The following ANKRD6 variants were observed in gnomAD, a reference collection of about 807,000 sequenced individuals.
ANKRD6 encodes the protein ankyrin repeat domain-containing protein 6.
Under a neutral mutation model 82.3 loss-of-function variants are expected in ANKRD6, and 56 were observed. That is an observed-to-expected ratio of 0.68 (90% confidence interval 0.55 to 0.85). The LOEUF (loss-of-function observed/expected upper bound fraction) is 0.85, where lower values mean the gene tolerates loss of function less well. ANKRD6 is among the 40% of genes least tolerant of loss of function. The pLI is 0.00. For synonymous variants in ANKRD6, 347 were observed against 352.1 expected, an observed-to-expected ratio of 0.99 and a Z score of 0.16; for missense variants, 852 against 907.6, an observed-to-expected ratio of 0.94 and a Z score of 0.79.
intron 1 of ANKRD6, among the ~76,000 whole-genome samples, chr6:89,531,025 A>G (rs1783077008): frequency 1.3e-5 from 2 of 152,254 alleles, no homozygotes; most frequent in South Asian, 2.1e-4. Flanking sequence ...CGAGGCAGGC[A>G]TTATTATCCC....
intron 2 of ANKRD6, among the ~76,000 whole-genome samples, chr6:89,572,266 T>A (rs949577733): frequency 2.6e-5 from 4 of 152,222 alleles, no homozygotes; most frequent in Non-Finnish European, 5.9e-5. Context: ...GGACATACAC[T>A]TTCAGCTTTT....
intron 13 of ANKRD6, among the ~76,000 whole-genome samples, chr6:89,625,442 A>G (rs961869433): frequency 3.3e-5 from 5 of 152,324 alleles, no homozygotes; most frequent in Non-Finnish European, 4.4e-5. Context: ...GTTTTCAAAC[A>G]TACAGAAAAG....
chr6:89,557,290 A>T (rs1786728367), intron 1 of ANKRD6, among the ~76,000 whole-genome samples: 1 of 152,168 alleles, frequency 6.6e-6, no homozygotes, highest in Non-Finnish European at 1.5e-5. Context: ...GCATGTGAGC[A>T]GAAGGGAGGG....
In ANKRD6 at chr6:89,617,888, C is replaced by T. The variant is rs530002513; in HGVS notation, c.715-66C>T. The T allele has an allele frequency of 2.0e-6, 3 of 1,501,492 alleles. No homozygotes were observed. The South Asian group carries it at 3.4e-5, about 17-fold the overall frequency. 93.0% of individuals were successfully genotyped at this position (1,501,492 alleles called of 1,614,324 possible). On this transcript the variant is annotated intron_variant, in intron 8 of 15. Transcript: ENST00000339746. The stretch of plus-strand genomic sequence containing the variant: ...TGCCTGCTCCTGGCCAGAGCTGTGC[C>T]AGCTGGGCTATGTGCGTGTGGGACC...
intron 12 of ANKRD6, 192 bp from the exon 13 acceptor site, chr6:89,624,347 T>C (rs768115821): frequency 3.1e-5 from 22 of 714,608 alleles, no homozygotes; most frequent in Non-Finnish European, 4.1e-5. Context: ...GACCATATCT[T>C]ACCCTCTGAA....
intron 1 of ANKRD6, among the ~76,000 whole-genome samples, chr6:89,558,703 C>A (rs74336985): frequency 0.058 from 8,786 of 151,348 alleles, 283 homozygotes; most frequent in South Asian, 0.13. Flanking sequence ...CAGAGTGAAC[C>A]CTAATGCAAA....
intron 2 of ANKRD6, among the ~76,000 whole-genome samples, chr6:89,593,427 G>A (rs762730288): frequency 6.6e-6 from 1 of 152,212 alleles, no homozygotes; most frequent in Admixed American, 6.5e-5. Flanking sequence ...GCACATGGCT[G>A]AGCACAGTCA....
At chr6:89,525,560 T>C (rs1257904450) in intron 1 of ANKRD6, among the ~76,000 whole-genome samples, 6 of 152,164 alleles carry the variant, frequency 3.9e-5, no homozygotes, top group African/African-American at 1.4e-4. Context: ...CAGGAAGAGA[T>C]AGCCTCTGGC....
intron 1 of ANKRD6, among the ~76,000 whole-genome samples, chr6:89,549,644 T>C (rs1015943234): frequency 1.3e-5 from 2 of 152,182 alleles, no homozygotes; most frequent in African/African-American, 4.8e-5. Context: ...AAAAACAACT[T>C]GGAGTTTATT....
chr6:89,584,318 A>G (rs1793246030), intron 2 of ANKRD6, among the ~76,000 whole-genome samples: 1 of 152,236 alleles, frequency 6.6e-6, no homozygotes, highest in Non-Finnish European at 1.5e-5. Flanking sequence ...TCTCGAAGCC[A>G]CTGAGCTGCC....
At chr6:89,542,238 T>C (rs9362659) in intron 1 of ANKRD6, among the ~76,000 whole-genome samples, 149,384 of 152,278 alleles carry the variant, frequency 0.98, 73,335 homozygotes, top group South Asian at 1. Flanking sequence ...TCGTCAGAGT[T>C]GGGCGCTTTT....
At chr6:89,577,259 T>A (rs540540568) in intron 2 of ANKRD6, among the ~76,000 whole-genome samples, 29 of 152,148 alleles carry the variant, frequency 1.9e-4, no homozygotes, top group Admixed American at 3.9e-4. Flanking sequence ...TGACGCTTCC[T>A]GTCAGTGACC....
chr6:89,481,798 C>G (rs905686611), intron 1 of ANKRD6, among the ~76,000 whole-genome samples: 1 of 152,130 alleles, frequency 6.6e-6, no homozygotes, highest in Non-Finnish European at 1.5e-5. Flanking sequence ...AGTGCTGATA[C>G]TGTACCACTG....
In ANKRD6 at chr6:89,606,110, G is replaced by C. The variant is rs372817839; in HGVS notation, c.417+5G>C. ...AACGTGCTTGCCAAGAACAAGGTGAGGCCTGGCAGATGCTAGAATGCCTCA... is the reference window on the plus strand; with the variant it reads ...AACGTGCTTGCCAAGAACAAGGTGACGCCTGGCAGATGCTAGAATGCCTCA... On this transcript the variant is annotated splice_donor_5th_base_variant and intron_variant, in intron 5 of 15. Coordinates refer to ENST00000339746, the MANE Select transcript of ANKRD6 (RefSeq NM_001242809.2). 66 of 1,552,562 alleles carry C rather than the reference G, an allele frequency of 4.3e-5. No individual in the cohort carries two copies. The highest frequency in any genetic ancestry group is 5.6e-5 in the Non-Finnish European group (64 of 1,145,566).
At chr6:89,461,570 A>C (rs1774145552) in intron 1 of ANKRD6, among the ~76,000 whole-genome samples, 1 of 152,180 alleles carries the variant, frequency 6.6e-6, no homozygotes, top group Non-Finnish European at 1.5e-5. Flanking sequence ...AGCAGTTCAC[A>C]TTCACTCATA....
At chr6:89,587,859 A>G (rs1328090139) in intron 2 of ANKRD6, among the ~76,000 whole-genome samples, 1 of 152,256 alleles carries the variant, frequency 6.6e-6, no homozygotes, top group Non-Finnish European at 1.5e-5. Flanking sequence ...GCAACAAGGA[A>G]AGAAAACTCT....
At chr6:89,496,603 A>G (rs1778656985) in intron 1 of ANKRD6, among the ~76,000 whole-genome samples, 1 of 151,620 alleles carries the variant, frequency 6.6e-6, no homozygotes, top group South Asian at 2.1e-4. Context: ...GGTCACTGCA[A>G]CCTCCTCCTC....
intron 1 of ANKRD6, among the ~76,000 whole-genome samples, chr6:89,462,856 G>A (rs1160687024): frequency 6.7e-6 from 1 of 150,168 alleles, no homozygotes; most frequent in Non-Finnish European, 1.5e-5. Flanking sequence ...CCACCAAGAT[G>A]AGTTTTTAGT....
intron 1 of ANKRD6, among the ~76,000 whole-genome samples, chr6:89,487,939 A>G (rs1777551995): frequency 6.6e-6 from 1 of 152,232 alleles, no homozygotes; most frequent in African/African-American, 2.4e-5. Flanking sequence ...AAAATCACTT[A>G]TTTCATTGTA....
Sources: gnomAD v4.1 joint callset for allele counts (sites outside exome capture counted in the v4.1 genomes callset) on GRCh38, gnomAD v4.1.1 for gene constraint, MANE v1.5 for transcripts, NCBI Gene and HGNC (gene_info 2026-07-23, HGNC 2026-07-21) for gene names.